DMGDH: variants seen among roughly 807,000 people sequenced by gnomAD.
The protein encoded by DMGDH is dimethylglycine dehydrogenase, mitochondrial.
DMGDH carries 76 observed loss-of-function variants against 95.2 expected under a neutral mutation model. That is an observed-to-expected ratio of 0.80 (90% CI 0.66 to 0.97). The LOEUF (loss-of-function observed/expected upper bound fraction) is 0.97. Among genes scored for constraint, DMGDH ranks in the 50% least tolerant of loss-of-function variants. DMGDH has a pLI of 0.00. For synonymous variants in DMGDH, 345 were observed against 377.6 expected, an observed-to-expected ratio of 0.91 and a Z score of 1.00; for missense variants, 987 against 1,055.0, an observed-to-expected ratio of 0.94 and a Z score of 0.89.
Position 79,056,026 on chromosome 5 carries a change from C to T in DMGDH, c.277-118G>A, listed in dbSNP as rs1361719677. 8.3e-6 allele frequency: 6 copies of T among 720,290 alleles called. No homozygotes were observed. The South Asian group carries it at 9.4e-5, about 11-fold the overall frequency. 44.6% of individuals were successfully genotyped at this position (720,290 alleles called of 1,614,324 possible). ...AAGAAACTGAGAAGCACCAGCCAGT[C>T]CTTTGGGATGAGAACACATCAGCAC... On this transcript the variant is annotated intron_variant, in intron 2 of 15. Coordinates refer to ENST00000255189, the MANE Select transcript of DMGDH (RefSeq NM_013391.3).
intron 15 of DMGDH, among the ~76,000 whole-genome samples, chr5:79,003,752 G>T (rs1423181898): frequency 6.6e-6 from 1 of 152,102 alleles, no homozygotes; most frequent in Admixed American, 6.5e-5. Context: ...ATCAACACCA[G>T]CCTGGGCAAC....
In DMGDH at chr5:79,069,589, C is replaced by T; in HGVS notation, c.32G>A (p.Gly11Asp). 1 of 1,365,086 alleles carries T rather than the reference C, an allele frequency of 7.3e-7. No homozygotes were observed. Among genetic ancestry groups the T allele is most frequent in the South Asian group, 1.8e-5 (1 of 55,512 alleles). The allele number at this position is 1,365,086 out of a possible 1,614,324, so 84.6% of individuals were successfully genotyped here. The change falls in exon 1 of 16, where the codon GGC (glycine) becomes GAC (aspartate). Residue 11 changes from glycine (G) to aspartate (D), a missense_variant. Transcript: ENST00000255189. ...CAGCGGGCAGCTCCGCAGCAGGAGG[C>T]CCCGCAGCAGCTGCGCGCCGGGACG... MLRPGAQLLR[G>D]LLLRSCPLQG...
chr5:79,051,495 A>T lies in DMGDH; in HGVS notation c.541-4T>A, dbSNP rs779285026. 8.1e-6 allele frequency: 13 copies of T among 1,612,956 alleles called. No homozygotes were observed. In the South Asian group the frequency reaches 1.4e-4, roughly 18 times the overall value. On this transcript the variant is annotated splice_polypyrimidine_tract_variant and splice_region_variant and intron_variant, in intron 4 of 15. Coordinates refer to ENST00000255189, the MANE Select transcript of DMGDH (RefSeq NM_013391.3). ...GATTATACAATCCAGCTAAAACCTA[A>T]ATCAATCATACCAGAGTCAATACTC...
At chr5:79,012,604 C>T (rs1364854241) in intron 14 of DMGDH, among the ~76,000 whole-genome samples, 1 of 152,226 alleles carries the variant, frequency 6.6e-6, no homozygotes, top group Non-Finnish European at 1.5e-5. Context: ...TTGCAGCAGG[C>T]TTCTACTTGC....
chr5:79,031,995 AT>A (rs1307437165), intron 9 of DMGDH, among the ~76,000 whole-genome samples: 7 of 152,238 alleles, frequency 4.6e-5, no homozygotes, highest in Non-Finnish European at 5.9e-5. Flanking sequence ...AGCAAAACCT[AT>A]TGTAAAAAGC....
At position 79,030,702 on chromosome 5, in the gene DMGDH, T is replaced by TTGTATACC. The variant is rs1459982508; in HGVS notation, c.1683+130_1683+131insGGTATACA. ...AAAGAAAGTAAATAAGCTTGTATAC[T>TTGTATACC]TGTATACTTTTGGTCAGTTGAAGAG... On this transcript the variant is annotated intron_variant, in intron 10 of 15. Coordinates refer to ENST00000255189, the MANE Select transcript of DMGDH (RefSeq NM_013391.3). The TTGTATACC allele has an allele frequency of 4.6e-6, 4 of 876,232 alleles. No homozygotes were observed. The Admixed American group carries it at 7.4e-5, about 16-fold the overall frequency. 54.3% of individuals were successfully genotyped at this position (876,232 alleles called of 1,614,324 possible).
At chr5:79,021,659 T>G (rs746138233) in intron 14 of DMGDH, 2 of 1,314,476 alleles carry the variant, frequency 1.5e-6, no homozygotes, top group African/African-American at 3.0e-5. Flanking sequence ...CTCCTTAAAA[T>G]GGGCAAAGCA....
At chr5:79,058,861 A>C (rs1015680421) in intron 2 of DMGDH, among the ~76,000 whole-genome samples, 6 of 152,214 alleles carry the variant, frequency 3.9e-5, no homozygotes, top group Non-Finnish European at 5.9e-5. Flanking sequence ...TGGATAGCAT[A>C]ACGGATGCTA....
chr5:79,008,578 G>C (rs1753588584), intron 14 of DMGDH, among the ~76,000 whole-genome samples: 1 of 152,172 alleles, frequency 6.6e-6, no homozygotes, highest in Non-Finnish European at 1.5e-5. Context: ...GCCATGACCA[G>C]CTGGGGGTGC....
intron 7 of DMGDH, among the ~76,000 whole-genome samples, chr5:79,038,906 CAG>C (rs1269966674): frequency 6.6e-6 from 1 of 151,976 alleles, no homozygotes; most frequent in Non-Finnish European, 1.5e-5. Context: ...AGGATGTGAA[CAG>C]ACACTTCTCA....
chr5:79,034,719 G>C (rs1478065806), intron 7 of DMGDH, among the ~76,000 whole-genome samples: 1 of 152,104 alleles, frequency 6.6e-6, no homozygotes. Flanking sequence ...CCCACAACAA[G>C]ACACCTGTTT....
chr5:79,065,212 T>C (rs986541676), intron 1 of DMGDH, among the ~76,000 whole-genome samples: 5 of 143,816 alleles, frequency 3.5e-5, no homozygotes, highest in African/African-American at 4.9e-5. Context: ...CTTTTTCTTT[T>C]CTTTTCCTTT....
At position 79,044,412 on chromosome 5, in the gene DMGDH, C is replaced by T; in HGVS notation, c.886G>A (p.Gly296Arg). 6.2e-7 allele frequency: 1 copy of T among 1,614,170 alleles called. No homozygotes were observed. Among genetic ancestry groups the T allele is most frequent in the Non-Finnish European group, 8.5e-7 (1 of 1,180,024 alleles). The change falls in exon 6 of 16, where the codon GGA becomes AGA. Residue 296 changes from glycine to arginine, a missense_variant. By Grantham distance (125) the Gly-to-Arg change is moderately radical. Transcript: ENST00000255189. ...RELPVLRDLE[G>R]SYYLRQERDG... The stretch of plus-strand genomic sequence containing the variant: ...CTTTCCTGTCGGAGATAATATGATC[C>T]TTCCAGGTCACGGAGCACAGGCAGT...
chr5:79,026,309 T>C, intron 13 of DMGDH, 115 bp downstream of exon 13: 1 of 1,295,100 alleles, frequency 7.7e-7, no homozygotes, highest in African/African-American at 1.5e-5. Flanking sequence ...AGTTATCTAA[T>C]GATATGTAAT....
intron 15 of DMGDH, among the ~76,000 whole-genome samples, chr5:79,002,388 A>C (rs1410563401): frequency 6.6e-6 from 1 of 152,220 alleles, no homozygotes; most frequent in Non-Finnish European, 1.5e-5. Context: ...TTTCAAAAAA[A>C]TTAAACCTCA....
intron 2 of DMGDH, among the ~76,000 whole-genome samples, chr5:79,063,336 C>G (rs372545354): frequency 6.6e-6 from 1 of 152,122 alleles, no homozygotes; most frequent in South Asian, 2.1e-4. Flanking sequence ...ATTAAGACAT[C>G]AGAAAATGGA....
rs770498546 is a variant in DMGDH at position 79,069,470 on chromosome 5, C to T, written c.101+50G>A. The T allele has an allele frequency of 1.2e-5, 14 of 1,167,408 alleles. No individual in the cohort carries two copies. In the East Asian group the frequency reaches 2.2e-4, roughly 19 times the overall value. 72.3% of individuals were successfully genotyped at this position (1,167,408 alleles called of 1,614,324 possible). A position where few individuals can be genotyped will look rare whatever the true frequency, so the allele number is the denominator to read the frequency against. On this transcript the variant is annotated intron_variant, in intron 1 of 15. Transcript: ENST00000255189. ...TGAGCCTGCCTCAGCCTCTGGCTCC[C>T]ACCCCCGCAGCCGCCCCGTCGCCTC... is the stretch of plus-strand genomic sequence containing the variant.
chr5:79,047,872 C>T (rs1380774227), intron 5 of DMGDH, among the ~76,000 whole-genome samples: 2 of 152,072 alleles, frequency 1.3e-5, no homozygotes, highest in African/African-American at 4.8e-5. Flanking sequence ...GAGAACCCAC[C>T]CAGAACACCT....
chr5:79,000,550 CT>C, intron 15 of DMGDH: 1 of 589,692 alleles, frequency 1.7e-6, no homozygotes. Flanking sequence ...TTGATTTTCA[CT>C]GATATCAAAA....
Sources: allele counts gnomAD v4.1 joint callset (sites outside exome capture counted in the v4.1 genomes callset), GRCh38; gene constraint gnomAD v4.1.1; transcripts MANE v1.5; gene names NCBI Gene and HGNC (gene_info 2026-07-23, HGNC 2026-07-21).